Variants in PCDH15 observed in about 807,000 individuals in gnomAD.
PCDH15 encodes protocadherin-15.
In PCDH15, 129 loss-of-function variants were observed where a neutral mutation model predicts 178.5. The ratio of observed to expected loss-of-function variants is 0.72; its 90% CI spans 0.63 to 0.84. The LOEUF (loss-of-function observed/expected upper bound fraction) is 0.84, where lower values mean the gene tolerates loss of function less well. PCDH15 is among the 40% of genes least tolerant of loss of function. The probability of loss-of-function intolerance (pLI) is 0.00; values close to 1 mark genes in which losing one functional copy is unlikely to be tolerated. For missense variants in PCDH15, 2,230 were observed against 2,099.9 expected (o/e 1.06, Z -1.21); for synonymous variants, 800 against 732.0 (o/e 1.09, Z -1.50).
At chr10:54,266,440 A>C (rs2057695629) in intron 8 of PCDH15, among the ~76,000 whole-genome samples, 2 of 151,910 alleles carry the variant, frequency 1.3e-5, no homozygotes, top group African/African-American at 4.8e-5. Flanking sequence ...TAGCATAAGA[A>C]AATAAATAAC....
At chr10:54,083,274 T>C (rs2094463467) in intron 16 of PCDH15, among the ~76,000 whole-genome samples, 1 of 152,196 alleles carries the variant, frequency 6.6e-6, no homozygotes, top group Admixed American at 6.5e-5. Flanking sequence ...AGCAAATCTA[T>C]TCAGTATATA....
intron 2 of PCDH15, among the ~76,000 whole-genome samples, chr10:54,616,941 C>T (rs2093177591): frequency 6.6e-6 from 1 of 151,986 alleles, no homozygotes. Flanking sequence ...TGTTTAAATT[C>T]AGCATAAAAA....
At chr10:55,265,563 C>T (rs1229763053) in intron 1 of PCDH15, among the ~76,000 whole-genome samples, 3 of 151,980 alleles carry the variant, frequency 2.0e-5, no homozygotes, top group African/African-American at 7.3e-5. Context: ...GGAAGATAAG[C>T]AGAACCAGTG....
chr10:54,870,474 A>G (rs1378191571), intron 3 of PCDH15, among the ~76,000 whole-genome samples: 1 of 152,066 alleles, frequency 6.6e-6, no homozygotes, highest in Admixed American at 6.6e-5. Context: ...GTTAGTTTGC[A>G]AGTACTTGGA....
intron 1 of PCDH15, among the ~76,000 whole-genome samples, chr10:55,297,007 A>AT (rs901411796): frequency 2.6e-5 from 4 of 152,180 alleles, no homozygotes; most frequent in African/African-American, 9.6e-5. Flanking sequence ...AAGTAATCTT[A>AT]TTTTTTCAAT....
chr10:55,346,610 AAAAC>A (rs146706486), intron 2 of PCDH15, among the ~76,000 whole-genome samples: 222 of 152,258 alleles, frequency 1.5e-3, no homozygotes, highest in Admixed American at 3.9e-3. Flanking sequence ...TGCAAAAAGC[AAAAC>A]AAACAAACGA....
intron 3 of PCDH15, among the ~76,000 whole-genome samples, chr10:54,492,689 T>C (rs561237436): frequency 6.6e-6 from 1 of 152,282 alleles, no homozygotes; most frequent in East Asian, 1.9e-4. Context: ...AGTACAGTAC[T>C]ATAAGGTATT....
At chr10:54,514,639 C>T (rs1315680057) in intron 3 of PCDH15, among the ~76,000 whole-genome samples, 3 of 141,284 alleles carry the variant, frequency 2.1e-5, no homozygotes, top group Non-Finnish European at 4.6e-5. Flanking sequence ...GAAATAATTG[C>T]TTTTCTCCTG....
chr10:55,151,793 T>A (rs1191049681), intron 2 of PCDH15, among the ~76,000 whole-genome samples: 3 of 152,060 alleles, frequency 2.0e-5, no homozygotes, highest in Non-Finnish European at 4.4e-5. Flanking sequence ...ACTGATGATA[T>A]AAAGAATGAA....
intron 2 of PCDH15, among the ~76,000 whole-genome samples, chr10:55,596,492 T>C (rs1239936474): frequency 1.3e-5 from 2 of 152,096 alleles, no homozygotes; most frequent in East Asian, 1.9e-4. Context: ...CTTCTCTCCC[T>C]CTCTCGTTTT....
chr10:55,535,604 C>G (rs778132861), intron 2 of PCDH15, among the ~76,000 whole-genome samples: 3 of 151,862 alleles, frequency 2.0e-5, no homozygotes, highest in Non-Finnish European at 4.4e-5. Context: ...AAGAAATATA[C>G]AAGTTAACAT....
At chr10:54,545,930 ACT>A (rs2085802062) in intron 2 of PCDH15, among the ~76,000 whole-genome samples, 1 of 152,180 alleles carries the variant, frequency 6.6e-6, no homozygotes, top group Non-Finnish European at 1.5e-5. Context: ...AGCAGAAGAC[ACT>A]CTCATGACAC....
chr10:54,882,516 A>C (rs1954282063), intron 3 of PCDH15, among the ~76,000 whole-genome samples: 1 of 152,062 alleles, frequency 6.6e-6, no homozygotes, highest in Admixed American at 6.6e-5. Flanking sequence ...AATAAAAGTA[A>C]ATTTTATCAC....
At chr10:53,910,944 G>A (rs1165321850) in intron 25 of PCDH15, among the ~76,000 whole-genome samples, 1 of 152,088 alleles carries the variant, frequency 6.6e-6, no homozygotes, top group Non-Finnish European at 1.5e-5. Flanking sequence ...GAAACAAAGT[G>A]AAAAGAGAAG....
chr10:54,105,277 G>GAC (rs2094892701), intron 15 of PCDH15, among the ~76,000 whole-genome samples: 1 of 90,472 alleles, frequency 1.1e-5, no homozygotes, highest in African/African-American at 3.7e-5. Flanking sequence ...TATAGATGGA[G>GAC]ATATATATAT....
At chr10:54,050,312 T>C (rs1243334001) in intron 18 of PCDH15, among the ~76,000 whole-genome samples, 1 of 152,198 alleles carries the variant, frequency 6.6e-6, no homozygotes, top group Non-Finnish European at 1.5e-5. Flanking sequence ...TCCAGGAATT[T>C]ATCCATTTCA....
chr10:54,173,509 A>C (rs1216890890), intron 13 of PCDH15, among the ~76,000 whole-genome samples: 2 of 152,176 alleles, frequency 1.3e-5, no homozygotes, highest in African/African-American at 4.8e-5. Context: ...ATATAACTGT[A>C]GTTTAAAATA....
intron 2 of PCDH15, among the ~76,000 whole-genome samples, chr10:55,521,153 T>C (rs566251879): frequency 6.6e-6 from 1 of 152,104 alleles, no homozygotes; most frequent in Admixed American, 6.6e-5. Flanking sequence ...AGATTTCACA[T>C]AGAAGTGAGA....
At chr10:55,350,795 TTTC>T in intron 2 of PCDH15, among the ~76,000 whole-genome samples, 1 of 152,106 alleles carries the variant, frequency 6.6e-6, no homozygotes, top group Non-Finnish European at 1.5e-5. Flanking sequence ...TTATTTTTCT[TTTC>T]TTGTTTTTTT....
Sources: allele counts gnomAD v4.1 joint callset (sites outside exome capture counted in the v4.1 genomes callset), GRCh38; gene constraint gnomAD v4.1.1; transcripts MANE v1.5; gene names NCBI Gene and HGNC (gene_info 2026-07-23, HGNC 2026-07-21).